SYT16: variants seen among roughly 807,000 people sequenced by gnomAD.
SYT16 encodes synaptotagmin 16.
SYT16 carries 42 observed loss-of-function variants against 61.4 expected under a neutral mutation model. That is an observed-to-expected ratio of 0.68 (90% CI 0.53 to 0.89). The LOEUF is 0.89. SYT16 is among the 40% of genes least tolerant of loss of function. The probability of loss-of-function intolerance (pLI) is 0.00; values close to 1 mark genes in which losing one functional copy is unlikely to be tolerated. For synonymous variants in SYT16, 314 were observed against 302.3 expected, an observed-to-expected ratio of 1.04 and a Z score of -0.40; for missense variants, 804 against 807.3, an observed-to-expected ratio of 1.00 and a Z score of 0.05.
At chr14:61,831,645 A>C (rs1321319498) in intron 1 of SYT16, among the ~76,000 whole-genome samples, 2 of 151,436 alleles carry the variant, frequency 1.3e-5, no homozygotes, top group African/African-American at 4.8e-5. Flanking sequence ...ATTCATATTC[A>C]TATTCTTTAT....
chr14:62,016,815 G>A (rs1433197187), intron 3 of SYT16, among the ~76,000 whole-genome samples: 3 of 152,150 alleles, frequency 2.0e-5, no homozygotes, highest in African/African-American at 7.2e-5. Context: ...TTTTATCTAT[G>A]TTAACTTTAT....
intron 1 of SYT16, among the ~76,000 whole-genome samples, chr14:61,832,521 C>T (rs2045973824): frequency 6.6e-6 from 1 of 152,178 alleles, no homozygotes; most frequent in African/African-American, 2.4e-5. Flanking sequence ...ACTGCAACCT[C>T]CGCCTCCCGA....
intron 1 of SYT16, among the ~76,000 whole-genome samples, chr14:61,961,154 A>G (rs1014007821): frequency 6.6e-6 from 1 of 152,172 alleles, no homozygotes; most frequent in African/African-American, 2.4e-5. Flanking sequence ...AAAACCTAAA[A>G]CTATAAAAAC....
chr14:61,835,571 TTTTTATGATTGA>T (rs2046102519), intron 1 of SYT16, among the ~76,000 whole-genome samples: 1 of 152,188 alleles, frequency 6.6e-6, no homozygotes, highest in East Asian at 1.9e-4. Flanking sequence ...TGACTTTTTT[TTTTTATGATTGA>T]TTTTATCAAT....
chr14:61,858,553 G>T (rs904776102), intron 1 of SYT16, among the ~76,000 whole-genome samples: 3 of 152,032 alleles, frequency 2.0e-5, no homozygotes, highest in Non-Finnish European at 4.4e-5. Context: ...TCACACCCAG[G>T]ATTTGCCTGT....
intron 3 of SYT16, among the ~76,000 whole-genome samples, chr14:62,056,539 C>T (rs1318394839): frequency 6.6e-6 from 1 of 152,182 alleles, no homozygotes; most frequent in East Asian, 1.9e-4. Context: ...ATGCATGGGG[C>T]GCTCTCCAAG....
At chr14:62,080,683 T>C in intron 5 of SYT16, 151 bp from the exon 6 acceptor site, 1 of 751,592 alleles carries the variant, frequency 1.3e-6, no homozygotes, top group Non-Finnish European at 2.1e-6. Context: ...AATGCAGCGA[T>C]AGACCAGTAA....
At chr14:62,036,304 C>T (rs2054504913) in intron 3 of SYT16, among the ~76,000 whole-genome samples, 1 of 152,030 alleles carries the variant, frequency 6.6e-6, no homozygotes, top group African/African-American at 2.4e-5. Flanking sequence ...AAGAGGTAAC[C>T]ACGCATTGGT....
rs2057624662 is a variant in SYT16 at position 62,112,471 on chromosome 14, C to T, written c.*11764C>T. The T allele has an allele frequency of 6.6e-6, 1 of 152,044 alleles. No homozygotes were observed. Among genetic ancestry groups the T allele is most frequent in the Admixed American group, 6.6e-5 (1 of 15,260 alleles). The allele number at this position is 152,044 out of a possible 1,614,324, so 9.4% of individuals were successfully genotyped here. A position where few individuals can be genotyped will look rare whatever the true frequency, so the allele number is the denominator to read the frequency against. ...TGCTGCAACTGAATTCATGATAGTT[C>T]ATGAAAACTGAAAATCATTCCAATT... On this transcript the variant is annotated 3_prime_UTR_variant, in exon 8 of 8. Coordinates refer to ENST00000683842, the MANE Select transcript of SYT16 (RefSeq NM_001367656.1).
chr14:61,931,649 T>G (rs2049773668), intron 1 of SYT16, among the ~76,000 whole-genome samples: 3 of 152,228 alleles, frequency 2.0e-5, no homozygotes. Flanking sequence ...TGTCTCATAT[T>G]GAACTTTTAG....
intron 2 of SYT16, among the ~76,000 whole-genome samples, chr14:61,980,274 T>C (rs1184843954): frequency 6.6e-6 from 1 of 152,220 alleles, no homozygotes; most frequent in Non-Finnish European, 1.5e-5. Flanking sequence ...TATATTGCAC[T>C]ATGAAATTGC....
At chr14:62,087,304 A>G (rs2056918776) in intron 7 of SYT16, among the ~76,000 whole-genome samples, 1 of 152,070 alleles carries the variant, frequency 6.6e-6, no homozygotes, top group African/African-American at 2.4e-5. Context: ...CCGCATGCCA[A>G]GTGCACCGCT....
At chr14:62,047,582 G>T (rs1193315620) in intron 3 of SYT16, among the ~76,000 whole-genome samples, 1 of 152,068 alleles carries the variant, frequency 6.6e-6, no homozygotes, top group South Asian at 2.1e-4. Context: ...TCCAGTTTTT[G>T]TCCATTCAGT....
chr14:62,047,825 T>C (rs1204231672), intron 3 of SYT16, among the ~76,000 whole-genome samples: 5 of 152,190 alleles, frequency 3.3e-5, no homozygotes, highest in African/African-American at 9.6e-5. Flanking sequence ...GAGATGAAGC[T>C]CACTTGATCA....
rs564312053 is a variant in SYT16, at chr14:62,033,034, C to T, written c.523+36492C>T. Among the ~76,000 whole-genome samples the T allele has an allele frequency of 3.1e-3, 471 of 149,586 alleles. 5 individuals carry two copies. Among genetic ancestry groups the T allele is most frequent in the Non-Finnish European group, 3.3e-3 (221 of 67,378 alleles). On this transcript the variant is annotated intron_variant, in intron 3 of 7. Transcript: ENST00000683842. ...AAAACATTTCATGAAATTAAGGTAC[C>T]ACTGAAGTTCAGTTAGCATACTAAA...
intron 5 of SYT16, among the ~76,000 whole-genome samples, chr14:62,076,232 T>C (rs2056491826): frequency 6.6e-6 from 1 of 152,194 alleles, no homozygotes; most frequent in Non-Finnish European, 1.5e-5. Flanking sequence ...TTCTGTGACA[T>C]TGGAAGGCAT....
At chr14:61,850,118 G>T (rs1418945719) in intron 1 of SYT16, among the ~76,000 whole-genome samples, 2 of 151,352 alleles carry the variant, frequency 1.3e-5, no homozygotes, top group African/African-American at 2.4e-5. Flanking sequence ...GTTTTAATTT[G>T]CATTTTTTTC....
At chr14:61,915,189 CT>C (rs562564897) in intron 1 of SYT16, among the ~76,000 whole-genome samples, 1 of 152,036 alleles carries the variant, frequency 6.6e-6, no homozygotes, top group African/African-American at 2.4e-5. Context: ...ATATATCTGC[CT>C]TTTTTTGGGT....
At chr14:61,878,567 G>A (rs942586863) in intron 1 of SYT16, among the ~76,000 whole-genome samples, 36 of 152,246 alleles carry the variant, frequency 2.4e-4, no homozygotes, top group South Asian at 8.3e-4. Context: ...CTCTCACACT[G>A]GCTTGCCAAA....
Sources: gnomAD v4.1 joint callset for allele counts (sites outside exome capture counted in the v4.1 genomes callset) on GRCh38, gnomAD v4.1.1 for gene constraint, MANE v1.5 for transcripts, NCBI Gene and HGNC (gene_info 2026-07-23, HGNC 2026-07-21) for gene names.